EGFR: variants seen among roughly 807,000 people sequenced by gnomAD.
EGFR encodes the protein avian erythroblastic leukemia viral (v-erb-b) oncogene homolog.
EGFR carries 58 observed loss-of-function variants against 143.0 expected under a neutral mutation model. That is an observed-to-expected ratio of 0.41 (90% CI 0.33 to 0.50). The LOEUF is 0.50. EGFR is among the 20% of genes least tolerant of loss of function. The probability of loss-of-function intolerance (pLI) is 0.39; values close to 1 mark genes in which losing one functional copy is unlikely to be tolerated. For missense variants in EGFR, 1,307 were observed against 1,579.0 expected (o/e 0.83, Z 2.92); for synonymous variants, 613 against 594.4 (o/e 1.03, Z -0.45).
chr7:55,094,423 A>G (rs1675394600), intron 1 of EGFR, among the ~76,000 whole-genome samples: 1 of 152,202 alleles, frequency 6.6e-6, no homozygotes, highest in Non-Finnish European at 1.5e-5. Context: ...AGACTGGCCT[A>G]TCCTGTCAGG....
In EGFR at chr7:55,209,468, A is replaced by T. The variant is rs960096272; in HGVS notation, c.*3851A>T. The T allele has an allele frequency of 3.3e-5, 5 of 152,242 alleles. No individual in the cohort carries two copies. The highest frequency in any genetic ancestry group is 1.2e-4 in the African/African-American group (5 of 41,476). The allele number at this position is 152,242 out of a possible 1,614,324, so 9.4% of individuals were successfully genotyped here. A position where few individuals can be genotyped will look rare whatever the true frequency, so the allele number is the denominator to read the frequency against. Reference sequence around the variant, plus strand: ...ACCCTCTGCATTCTCTAAGTAAGTTATAGAAACCAGTCTCTTCCCTCCTTT... The same window carrying T: ...ACCCTCTGCATTCTCTAAGTAAGTTTTAGAAACCAGTCTCTTCCCTCCTTT... On this transcript the variant is annotated 3_prime_UTR_variant, in exon 28 of 28. Transcript: ENST00000275493.
In EGFR at chr7:55,206,750, C is replaced by T. The variant is rs1788117413; in HGVS notation, c.*1133C>T. The T allele has an allele frequency of 4.3e-6, 1 of 233,250 alleles. No homozygotes were observed. Among genetic ancestry groups the T allele is most frequent in the Non-Finnish European group, 8.5e-6 (1 of 118,134 alleles). 14.4% of individuals were successfully genotyped at this position (233,250 alleles called of 1,614,324 possible). A position where few individuals can be genotyped will look rare whatever the true frequency, so the allele number is the denominator to read the frequency against. On this transcript the variant is annotated 3_prime_UTR_variant, in exon 28 of 28. Transcript: ENST00000275493. Reference sequence around the variant, plus strand: ...TTTTTACTCAAAGAGTATATGTTCCCTCCAGGTCAGCTGCCCCCAAACCCC... The same window carrying T: ...TTTTTACTCAAAGAGTATATGTTCCTTCCAGGTCAGCTGCCCCCAAACCCC...
chr7:55,066,081 G>A (rs1273697530), intron 1 of EGFR, among the ~76,000 whole-genome samples: 4 of 152,148 alleles, frequency 2.6e-5, no homozygotes, highest in Non-Finnish European at 4.4e-5. Context: ...GTGTCTGACT[G>A]AGGCGTTCGT....
chr7:55,183,116 G>A lies in EGFR; in HGVS notation c.2469+1638G>A, dbSNP rs1584242194. ...GTGGCTCCAGCATCCCTGGGCTGTG[G>A]CTGCACCTCCCCATGTCAACCTCCG... On this transcript the variant is annotated intron_variant, in intron 20 of 27. Coordinates refer to ENST00000275493, the MANE Select transcript of EGFR (RefSeq NM_005228.5). Among the ~76,000 whole-genome samples the A allele has an allele frequency of 2.6e-5, 4 of 152,112 alleles. No homozygotes were observed. The South Asian group carries it at 8.3e-4, about 32-fold the overall frequency.
chr7:55,167,187 G>A (rs965207614), intron 15 of EGFR, among the ~76,000 whole-genome samples: 8 of 138,834 alleles, frequency 5.8e-5, no homozygotes, highest in Admixed American at 1.4e-4. Flanking sequence ...GGTGTTGACA[G>A]TGGTGACGAG....
intron 1 of EGFR, among the ~76,000 whole-genome samples, chr7:55,122,890 T>G (rs1043384773): frequency 4.6e-5 from 7 of 152,278 alleles, no homozygotes; most frequent in African/African-American, 1.7e-4. Context: ...TCAACTGAGT[T>G]CCCTCAGTGC....
intron 1 of EGFR, among the ~76,000 whole-genome samples, chr7:55,029,816 G>A (rs116562250): frequency 6.4e-4 from 97 of 152,200 alleles, no homozygotes; most frequent in African/African-American, 2.1e-3. Flanking sequence ...CTAGACGATC[G>A]TCAGACTCCT....
At chr7:55,083,078 C>T (rs191385002) in intron 1 of EGFR, among the ~76,000 whole-genome samples, 2 of 152,354 alleles carry the variant, frequency 1.3e-5, no homozygotes, top group African/African-American at 4.8e-5. Flanking sequence ...CACTCTATAC[C>T]AGTAAGACCT....
In EGFR at chr7:55,074,845, T is replaced by G. The variant is rs1192567680; in HGVS notation, c.88+55480T>G. Among the ~76,000 whole-genome samples, 4 of 152,240 alleles carry G rather than the reference T, an allele frequency of 2.6e-5. No individual in the cohort carries two copies. The East Asian group carries it at 7.7e-4, about 29-fold the overall frequency. ...CTAATTACCAAGCACGGTGTTCTCT[T>G]TGGAAGATCATTTCAACAAAACATT... On this transcript the variant is annotated intron_variant, in intron 1 of 27. Coordinates refer to ENST00000275493, the MANE Select transcript of EGFR (RefSeq NM_005228.5).
rs187897099 is a variant in EGFR, at chr7:55,127,365, A to C, written c.89-14921A>C. Among the ~76,000 whole-genome samples the C allele has an allele frequency of 4.6e-5, 7 of 152,352 alleles. No homozygotes were observed. The East Asian group carries it at 1.3e-3, about 29-fold the overall frequency. On this transcript the variant is annotated intron_variant, in intron 1 of 27. Coordinates refer to ENST00000275493, the MANE Select transcript of EGFR (RefSeq NM_005228.5). The stretch of plus-strand genomic sequence containing the variant: ...TCTAAATGTTTTAGTAATTCTAAAA[A>C]TTGATGCGCTTTTTCCACGAAAGGA...
At chr7:55,162,048 A>AT (rs1411393337) in intron 13 of EGFR, among the ~76,000 whole-genome samples, 1 of 152,236 alleles carries the variant, frequency 6.6e-6, no homozygotes, top group African/African-American at 2.4e-5. Flanking sequence ...TGCCAAGTTA[A>AT]TATCTGTTTT....
chr7:55,116,706 G>A (rs1032434143), intron 1 of EGFR, among the ~76,000 whole-genome samples: 5 of 152,204 alleles, frequency 3.3e-5, no homozygotes, highest in South Asian at 2.1e-4. Context: ...AGGCCAGCAC[G>A]ATGGGCCAGC....
chr7:55,206,200 A>C lies in EGFR; in HGVS notation c.*583A>C, dbSNP rs1316113495. 2.8e-5 allele frequency: 7 copies of C among 246,774 alleles called. No homozygotes were observed. In the Admixed American group the frequency reaches 3.5e-4, roughly 12 times the overall value. The allele number at this position is 246,774 out of a possible 1,614,324, so 15.3% of individuals were successfully genotyped here. ...GGTACTGTATCAAGTCATGGCAGGT[A>C]CAGTAGGATAAGCCACTCTGTCCCT... is the stretch of plus-strand genomic sequence containing the variant. On this transcript the variant is annotated 3_prime_UTR_variant, in exon 28 of 28. Coordinates refer to ENST00000275493, the MANE Select transcript of EGFR (RefSeq NM_005228.5).
At chr7:55,077,583 A>G (rs1044147846) in intron 1 of EGFR, among the ~76,000 whole-genome samples, 1 of 152,136 alleles carries the variant, frequency 6.6e-6, no homozygotes, top group African/African-American at 2.4e-5. Flanking sequence ...ATTATGATAT[A>G]ATTAAATGAC....
chr7:55,152,690 C>A (rs2128933969), intron 6 of EGFR, 26 bp downstream of exon 6: 1 of 1,600,328 alleles, frequency 6.2e-7, no homozygotes. Flanking sequence ...AGCAGCCTCC[C>A]TGGAGCAGGC....
chr7:55,060,118 G>GAAC (rs1789081944), intron 1 of EGFR, among the ~76,000 whole-genome samples: 3 of 152,196 alleles, frequency 2.0e-5, no homozygotes, highest in African/African-American at 7.2e-5. Flanking sequence ...GCCCCTAAAA[G>GAAC]AACAATTTAA....
intron 1 of EGFR, among the ~76,000 whole-genome samples, chr7:55,024,934 C>T (rs1315596882): frequency 6.6e-6 from 1 of 152,104 alleles, no homozygotes; most frequent in Non-Finnish European, 1.5e-5. Flanking sequence ...CACGTTTAGC[C>T]ACAAATGGAA....
intron 1 of EGFR, among the ~76,000 whole-genome samples, chr7:55,021,904 A>T (rs1302906916): frequency 6.6e-6 from 1 of 152,206 alleles, no homozygotes; most frequent in Non-Finnish European, 1.5e-5. Context: ...AATTCACACC[A>T]GGGGCTTCCA....
At chr7:55,075,563 T>C (rs918850978) in intron 1 of EGFR, among the ~76,000 whole-genome samples, 4 of 152,174 alleles carry the variant, frequency 2.6e-5, no homozygotes, top group African/African-American at 9.7e-5. Flanking sequence ...ACAGCTATGT[T>C]CCTCCTGAAA....
Sources: gnomAD v4.1 joint callset for allele counts (sites outside exome capture counted in the v4.1 genomes callset) on GRCh38, gnomAD v4.1.1 for gene constraint, MANE v1.5 for transcripts, NCBI Gene and HGNC (gene_info 2026-07-23, HGNC 2026-07-21) for gene names.